The following TSC22D1 variants were observed in gnomAD, a reference collection of about 807,000 sequenced individuals.
The protein encoded by TSC22D1 is TSC22 domain family protein 1.
Under a neutral mutation model 74.2 loss-of-function variants are expected in TSC22D1, and 9 were observed. The ratio of observed to expected loss-of-function variants is 0.12; its 90% CI spans 0.07 to 0.21. TSC22D1 has a LOEUF of 0.21. Ranked by LOEUF, TSC22D1 falls within the 10% of genes least tolerant of loss-of-function variation. The probability of loss-of-function intolerance (pLI) is 1.00; values close to 1 mark genes in which losing one functional copy is unlikely to be tolerated. For missense variants in TSC22D1, 1,427 were observed against 1,304.7 expected (o/e 1.09, Z -1.44); for synonymous variants, 586 against 492.5 (o/e 1.19, Z -2.51).
intron 1 of TSC22D1, among the ~76,000 whole-genome samples, chr13:44,474,661 GA>G (rs1365617070): frequency 6.6e-6 from 1 of 151,956 alleles, no homozygotes; most frequent in African/African-American, 2.4e-5. Context: ...GAAGGAAGGA[GA>G]AGAGGAAGAG....
At chr13:44,571,977 A>G (rs377104020) in intron 1 of TSC22D1, among the ~76,000 whole-genome samples, 31 of 152,152 alleles carry the variant, frequency 2.0e-4, no homozygotes, top group African/African-American at 5.8e-4. Flanking sequence ...AATATGCTCA[A>G]TTTTTCCAAA....
chr13:44,452,659 G>A (rs896166241), intron 1 of TSC22D1: 3 of 156,060 alleles, frequency 1.9e-5, no homozygotes, highest in East Asian at 3.6e-4. Context: ...CCCCAGTACC[G>A]CCAGCTGCTG....
At chr13:44,495,870 A>T (rs1306959012) in intron 1 of TSC22D1, among the ~76,000 whole-genome samples, 1 of 152,248 alleles carries the variant, frequency 6.6e-6, no homozygotes, top group Admixed American at 6.5e-5. Flanking sequence ...ACTAAATGTA[A>T]CAGTTAAAAC....
rs527305241 is a variant in TSC22D1 at position 44,436,840 on chromosome 13, G to A, written c.2913-745C>T. 15 of 1,326,642 alleles carry A rather than the reference G, an allele frequency of 1.1e-5. No individual in the cohort carries two copies. In the Admixed American group the frequency reaches 1.4e-4, roughly 13 times the overall value. The allele number at this position is 1,326,642 out of a possible 1,614,324, so 82.2% of individuals were successfully genotyped here. ...AGGCGCTTCCCAGATCCGCAGCCGG[G>A]CTCCACTCAGCTCTAGACCAGGACT... On this transcript the variant is annotated intron_variant, in intron 1 of 2. Coordinates refer to ENST00000458659, the MANE Select transcript of TSC22D1 (RefSeq NM_183422.4).
At chr13:44,524,881 G>A (rs939839751) in intron 1 of TSC22D1, among the ~76,000 whole-genome samples, 1 of 151,866 alleles carries the variant, frequency 6.6e-6, no homozygotes, top group African/African-American at 2.4e-5. Flanking sequence ...AGGTTGTCAG[G>A]GTAAAGAAAA....
chr13:44,460,727 G>A (rs1311309413), intron 1 of TSC22D1, among the ~76,000 whole-genome samples: 1 of 152,156 alleles, frequency 6.6e-6, no homozygotes, highest in Non-Finnish European at 1.5e-5. Context: ...AGGAAATCAA[G>A]TGACCTTCTC....
At chr13:44,440,673 T>G (rs1284289581) in intron 1 of TSC22D1, among the ~76,000 whole-genome samples, 1 of 151,622 alleles carries the variant, frequency 6.6e-6, no homozygotes, top group Non-Finnish European at 1.5e-5. Context: ...GCATTTCTAT[T>G]TTGGAGAGAG....
At chr13:44,517,857 ATTT>A (rs71070912) in intron 1 of TSC22D1, among the ~76,000 whole-genome samples, 5 of 16,174 alleles carry the variant, frequency 3.1e-4, no homozygotes, top group African/African-American at 7.3e-4. Flanking sequence ...ATATATATAT[ATTT>A]TTTTTTTTTT....
At chr13:44,568,104 AC>A (rs1483006414) in intron 1 of TSC22D1, among the ~76,000 whole-genome samples, 4 of 152,198 alleles carry the variant, frequency 2.6e-5, no homozygotes, top group Non-Finnish European at 5.9e-5. Context: ...AGAGAACATA[AC>A]TTCCCCACCT....
intron 1 of TSC22D1, among the ~76,000 whole-genome samples, chr13:44,438,889 T>C (rs1056164144): frequency 1.3e-5 from 2 of 152,218 alleles, no homozygotes; most frequent in Non-Finnish European, 2.9e-5. Context: ...CATTTACATG[T>C]TTTAACTGAA....
chr13:44,572,230 C>T (rs79124198), intron 1 of TSC22D1, among the ~76,000 whole-genome samples: 4 of 152,040 alleles, frequency 2.6e-5, no homozygotes, highest in African/African-American at 9.7e-5. Flanking sequence ...GATTTCACAA[C>T]TTTTTTAGCC....
chr13:44,554,081 C>T (rs1370776356), intron 1 of TSC22D1, among the ~76,000 whole-genome samples: 1 of 152,162 alleles, frequency 6.6e-6, no homozygotes, highest in East Asian at 1.9e-4. Context: ...AGGAATCACT[C>T]TTACTTAGCA....
At chr13:44,435,261 C>A (rs200981853) in intron 2 of TSC22D1, 1 of 188,042 alleles carries the variant, frequency 5.3e-6, no homozygotes. Flanking sequence ...CCCGGAGCCG[C>A]CTCCTTCAGC....
chr13:44,515,958 A>G (rs1468034068), intron 1 of TSC22D1, among the ~76,000 whole-genome samples: 4 of 152,190 alleles, frequency 2.6e-5, no homozygotes, highest in African/African-American at 9.7e-5. Flanking sequence ...TCACAGAGGG[A>G]GAAATAAGGA....
At chr13:44,478,414 G>GC (rs1193499230) in intron 1 of TSC22D1, among the ~76,000 whole-genome samples, 1 of 152,068 alleles carries the variant, frequency 6.6e-6, no homozygotes, top group African/African-American at 2.4e-5. Context: ...GACACAGAAA[G>GC]ACTAAATAAC....
intron 1 of TSC22D1, among the ~76,000 whole-genome samples, chr13:44,499,598 T>TC (rs1172861308): frequency 1.3e-5 from 2 of 152,146 alleles, no homozygotes; most frequent in Non-Finnish European, 2.9e-5. Context: ...GACTGATTCT[T>TC]CCTAGGGCTA....
At chr13:44,446,507 C>T (rs2138889378) in intron 1 of TSC22D1, among the ~76,000 whole-genome samples, 1 of 152,150 alleles carries the variant, frequency 6.6e-6, no homozygotes, top group African/African-American at 2.4e-5. Flanking sequence ...GGAGGGGAGC[C>T]AGGGCTGAAA....
At chr13:44,530,561 A>G (rs975379169) in intron 1 of TSC22D1, among the ~76,000 whole-genome samples, 8 of 152,128 alleles carry the variant, frequency 5.3e-5, no homozygotes, top group African/African-American at 1.7e-4. Context: ...GCAAAAGACA[A>G]TATTAAGAGA....
At chr13:44,516,290 TC>T in intron 1 of TSC22D1, 1 of 431,036 alleles carries the variant, frequency 2.3e-6, no homozygotes, top group Non-Finnish European at 4.5e-6. Flanking sequence ...AGAAAGCACC[TC>T]CCTTTACCAG....
Sources: allele counts gnomAD v4.1 joint callset (sites outside exome capture counted in the v4.1 genomes callset), GRCh38; gene constraint gnomAD v4.1.1; transcripts MANE v1.5; gene names NCBI Gene and HGNC (gene_info 2026-07-23, HGNC 2026-07-21).